TG: variants seen among roughly 807,000 people sequenced by gnomAD.
TG encodes thyroglobulin.
In TG, 270 loss-of-function variants were observed where a neutral mutation model predicts 324.7. The ratio of observed to expected loss-of-function variants is 0.83; its 90% CI spans 0.75 to 0.92. The LOEUF (loss-of-function observed/expected upper bound fraction) is 0.92, where lower values mean the gene tolerates loss of function less well. Among genes scored for constraint, TG ranks in the 40% least tolerant of loss-of-function variants. The probability of loss-of-function intolerance (pLI) is 0.00; values close to 1 mark genes in which losing one functional copy is unlikely to be tolerated. For synonymous variants in TG, 1,401 were observed against 1,327.0 expected, an observed-to-expected ratio of 1.06 and a Z score of -1.21; for missense variants, 3,591 against 3,456.4, an observed-to-expected ratio of 1.04 and a Z score of -0.98.
rs187033653 is a variant in TG at position 133,000,589 on chromosome 8, A to G, written c.6263-11312A>G. The stretch of plus-strand genomic sequence containing the variant: ...AATGCCACCTCTTAGAGCAGGAGTG[A>G]CCGGAAGAGTCACATCAGACAGCTG... On this transcript the variant is annotated intron_variant, in intron 35 of 47. Transcript: ENST00000220616. 5.3e-3 allele frequency among the ~76,000 whole-genome samples: 803 copies of G among 152,350 alleles called. 6 individuals carry two copies. Among genetic ancestry groups the G allele is most frequent in the Middle Eastern group, 0.01 (3 of 294 alleles).
chr8:132,957,533 C>T (rs1011817489), intron 27 of TG, among the ~76,000 whole-genome samples: 4 of 151,838 alleles, frequency 2.6e-5, no homozygotes, highest in Middle Eastern at 3.4e-3. Context: ...ACACACACAC[C>T]GACAGAAATA....
Position 132,872,946 on chromosome 8 carries a change from G to A in TG, c.479-116G>A, listed in dbSNP as rs559470260. 30 of 1,143,708 alleles carry A rather than the reference G, an allele frequency of 2.6e-5. No individual in the cohort carries two copies. The African/African-American group carries it at 3.4e-4, about 13-fold the overall frequency. The allele number at this position is 1,143,708 out of a possible 1,614,324, so 70.8% of individuals were successfully genotyped here. A position where few individuals can be genotyped will look rare whatever the true frequency, so the allele number is the denominator to read the frequency against. On this transcript the variant is annotated intron_variant, in intron 4 of 47. Transcript: ENST00000220616. ...TCACACGACAATGAAACCGCCGAAC[G>A]ATGCATTTCTCAGAGCTCATCCCCA...
intron 34 of TG, among the ~76,000 whole-genome samples, chr8:132,973,900 C>G (rs769970805): frequency 6.6e-6 from 1 of 151,434 alleles, no homozygotes; most frequent in Non-Finnish European, 1.5e-5. Context: ...CTGGCTCTTA[C>G]TTAGCACTTG....
At chr8:132,871,577 C>G (rs369586139) in intron 4 of TG, 26 bp downstream of exon 4, 18 of 1,606,934 alleles carry the variant, frequency 1.1e-5, no homozygotes, top group Non-Finnish European at 1.4e-5. Flanking sequence ...CGCCTGCACC[C>G]CTAGAGCTGG....
At chr8:132,994,744 C>T in intron 35 of TG, 1 of 1,288,402 alleles carries the variant, frequency 7.8e-7, no homozygotes, top group Non-Finnish European at 1.0e-6. Context: ...TGAGAGGGAC[C>T]CAGCTGAAGA....
At chr8:132,946,072 A>C (rs1554540) in intron 26 of TG, among the ~76,000 whole-genome samples, 176 of 45,056 alleles carry the variant, frequency 3.9e-3, no homozygotes, top group East Asian at 0.012. Flanking sequence ...ACACACACAC[A>C]CCCTATATTT....
chr8:132,889,848 C>T (rs1484654822), intron 10 of TG, among the ~76,000 whole-genome samples: 1 of 152,194 alleles, frequency 6.6e-6, no homozygotes, highest in African/African-American at 2.4e-5. Context: ...GCGATCTCAG[C>T]TCACTGTAAC....
intron 44 of TG, among the ~76,000 whole-genome samples, chr8:133,114,418 C>A (rs1850527456): frequency 6.6e-6 from 1 of 152,202 alleles, no homozygotes; most frequent in Non-Finnish European, 1.5e-5. Flanking sequence ...CGGGACAGAC[C>A]TGCCTCCCTC....
At chr8:132,909,038 T>C (rs1451139808) in intron 18 of TG, among the ~76,000 whole-genome samples, 1 of 152,166 alleles carries the variant, frequency 6.6e-6, no homozygotes, top group African/African-American at 2.4e-5. Context: ...GTGTGCATGT[T>C]GGAAATGGCT....
intron 41 of TG, chr8:133,094,821 G>C (rs1243644737): frequency 1.6e-6 from 1 of 634,780 alleles, no homozygotes; most frequent in Admixed American, 2.3e-5. Flanking sequence ...CACTTCACAG[G>C]TTAGGAAACT....
chr8:132,883,030 G>A (rs2132131265), intron 8 of TG, 31 bp downstream of exon 8: 1 of 1,607,386 alleles, frequency 6.2e-7, no homozygotes, highest in Admixed American at 1.7e-5. Flanking sequence ...TCCTCTTTCG[G>A]CCTCGGATCA....
chr8:133,028,737 CA>C (rs1460470813), intron 40 of TG, among the ~76,000 whole-genome samples: 1 of 152,188 alleles, frequency 6.6e-6, no homozygotes, highest in Non-Finnish European at 1.5e-5. Context: ...GGTCTGCCTC[CA>C]TGGTGAGACC....
intron 35 of TG, among the ~76,000 whole-genome samples, chr8:132,987,721 G>T (rs1452085338): frequency 1.1e-4 from 16 of 149,876 alleles, no homozygotes; most frequent in South Asian, 2.1e-4. Flanking sequence ...GTGTGTGTGT[G>T]GTGTGTGTGT....
intron 34 of TG, among the ~76,000 whole-genome samples, chr8:132,981,817 A>C (rs1339982869): frequency 6.6e-6 from 1 of 152,192 alleles, no homozygotes; most frequent in African/African-American, 2.4e-5. Flanking sequence ...TGATAGTAGC[A>C]GGTGCTTCCA....
chr8:132,962,959 C>G (rs373032379), intron 28 of TG, 35 bp from the exon 29 acceptor site: 2 of 1,603,596 alleles, frequency 1.2e-6, no homozygotes, highest in Non-Finnish European at 1.7e-6. Context: ...ACCCATTCTC[C>G]CCAACATTGC....
intron 41 of TG, among the ~76,000 whole-genome samples, chr8:133,074,193 T>G: frequency 6.6e-6 from 1 of 152,218 alleles, no homozygotes; most frequent in East Asian, 1.9e-4. Flanking sequence ...TTGCCTTTCC[T>G]TTGATTCCTC....
intron 34 of TG, among the ~76,000 whole-genome samples, chr8:132,977,432 G>A (rs772124484): frequency 6.6e-6 from 1 of 152,104 alleles, no homozygotes; most frequent in Non-Finnish European, 1.5e-5. Context: ...TATACTGAGT[G>A]ATGACTATGA....
At chr8:132,886,265 G>A (rs893443963) in intron 8 of TG, among the ~76,000 whole-genome samples, 183 bp from the exon 9 acceptor site, 1 of 152,124 alleles carries the variant, frequency 6.6e-6, no homozygotes, top group African/African-American at 2.4e-5. Context: ...TTCCAAAATG[G>A]CCCCACAAAG....
chr8:132,983,900 C>T (rs994046898), intron 35 of TG: 1 of 234,298 alleles, frequency 4.3e-6, no homozygotes, highest in Admixed American at 5.2e-5. Context: ...GCCCAGGTGC[C>T]CAGGTGCCCG....
Sources: gnomAD v4.1 joint callset for allele counts (sites outside exome capture counted in the v4.1 genomes callset) on GRCh38, gnomAD v4.1.1 for gene constraint, MANE v1.5 for transcripts, NCBI Gene and HGNC (gene_info 2026-07-23, HGNC 2026-07-21) for gene names.